ZNF133: variants seen among roughly 807,000 people sequenced by gnomAD.
ZNF133 encodes the protein zinc finger protein 133 (clone pHZ-13).
ZNF133 carries 26 observed loss-of-function variants against 54.9 expected under a neutral mutation model. The ratio of observed to expected loss-of-function variants is 0.47; its 90% CI spans 0.35 to 0.66. The LOEUF is 0.66. ZNF133 is among the 30% of genes least tolerant of loss of function. The pLI is 0.01. For synonymous variants in ZNF133, 298 were observed against 320.3 expected, an observed-to-expected ratio of 0.93 and a Z score of 0.74; for missense variants, 653 against 820.8, an observed-to-expected ratio of 0.80 and a Z score of 2.50.
chr20:18,306,747 G>A (rs776852619), intron 6 of ZNF133: 20 of 1,334,202 alleles, frequency 1.5e-5, no homozygotes, highest in Non-Finnish European at 1.9e-5. Context: ...ACAGAAAGAA[G>A]GCAAGCCCAG....
In ZNF133 at chr20:18,305,020, T is replaced by G. The variant is rs1233517317; in HGVS notation, c.-165T>G. 4 of 985,362 alleles carry G rather than the reference T, an allele frequency of 4.1e-6. No individual in the cohort carries two copies. Among genetic ancestry groups the G allele is most frequent in the Non-Finnish European group, 4.8e-6 (4 of 829,962 alleles). 61.0% of individuals were successfully genotyped at this position (985,362 alleles called of 1,614,324 possible). ...ATCTCTATTCCAGTGTGTCCTCCAT[T>G]TGGAAGTAGTGCTAAGAAAATTAAA... is the stretch of plus-strand genomic sequence containing the variant. On this transcript the variant is annotated 5_prime_UTR_variant, in exon 4 of 7. It adds an upstream start codon to the 5' untranslated region. Transcript: ENST00000425686. This position sits in a 1 kb window ranked among gnomAD's most constrained non-coding sequence, Gnocchi z 4.7.
intron 2 of ZNF133, 42 bp downstream of exon 2, chr20:18,298,104 A>G: frequency 6.5e-7 from 1 of 1,535,214 alleles, no homozygotes. Flanking sequence ...AACAGGATGG[A>G]CACATTCCCT....
intron 1 of ZNF133, among the ~76,000 whole-genome samples, chr20:18,297,763 T>C (rs989022900): frequency 6.6e-6 from 1 of 152,166 alleles, no homozygotes; most frequent in Non-Finnish European, 1.5e-5. Context: ...TCTTTGTTGT[T>C]GTTTTTTGTT....
intron 6 of ZNF133, among the ~76,000 whole-genome samples, chr20:18,309,611 C>T (rs573867514): frequency 6.6e-6 from 1 of 152,310 alleles, no homozygotes; most frequent in South Asian, 2.1e-4. Flanking sequence ...AAGTTGGAGT[C>T]TTAGCCAGAG....
chr20:18,299,089 A>C (rs774778832), intron 3 of ZNF133, among the ~76,000 whole-genome samples: 1 of 152,222 alleles, frequency 6.6e-6, no homozygotes, highest in Non-Finnish European at 1.5e-5. Context: ...GACCCATTCA[A>C]AGGGGAAAAA....
intron 1 of ZNF133, among the ~76,000 whole-genome samples, chr20:18,297,373 TCTTTA>T (rs1201839246): frequency 6.6e-6 from 1 of 152,160 alleles, no homozygotes; most frequent in Admixed American, 6.5e-5. Flanking sequence ...TCTTTTTGTT[TCTTTA>T]CTTTTTTTGT....
At chr20:18,289,662 A>G (rs1194661075) in intron 1 of ZNF133, among the ~76,000 whole-genome samples, 2 of 152,206 alleles carry the variant, frequency 1.3e-5, no homozygotes, top group South Asian at 4.1e-4. Flanking sequence ...AATAGCATCT[A>G]TCGTATTGGG....
chr20:18,301,424 G>A (rs2043336756), intron 3 of ZNF133, among the ~76,000 whole-genome samples: 1 of 152,128 alleles, frequency 6.6e-6, no homozygotes, highest in Admixed American at 6.5e-5. Flanking sequence ...CACTGGAGCA[G>A]AGTCAAATAA....
Position 18,315,503 on chromosome 20 carries a change from G to C in ZNF133, c.652G>C (p.Glu218Gln). 6.2e-7 allele frequency: 1 copy of C among 1,614,216 alleles called. No individual in the cohort carries two copies. The highest frequency in any genetic ancestry group is 8.5e-7 in the Non-Finnish European group (1 of 1,180,042). The change falls in exon 7 of 7, where the codon GAG becomes CAG. Residue 218 changes from glutamate to glutamine, a missense_variant. Physicochemically the swap from Glu to Gln is conservative, Grantham distance 29. Around this residue, in one of 4 missense-constraint regions of ZNF133, gnomAD observed 292 missense variants for 431.6 expected, o/e 0.68. Coordinates refer to ENST00000425686, the MANE Select transcript of ZNF133 (RefSeq NM_001352452.2). ...VLGFGTVNCGECGLSFSKMTN... is the reference protein window; with the variant it reads ...VLGFGTVNCGQCGLSFSKMTN... Reference sequence around the variant, plus strand: ...AGGATTTGGAACAGTCAACTGTGGAGAGTGTGGACTGAGCTTCAGCAAGAT... The same window carrying C: ...AGGATTTGGAACAGTCAACTGTGGACAGTGTGGACTGAGCTTCAGCAAGAT...
rs2047377666 is a variant in ZNF133, at chr20:18,316,020, G to A, written c.1169G>A (p.Cys390Tyr). 6.2e-7 allele frequency: 1 copy of A among 1,614,002 alleles called. No individual in the cohort carries two copies. Among genetic ancestry groups the A allele is most frequent in the Non-Finnish European group, 8.5e-7 (1 of 1,180,008 alleles). ...KPYACKECGR[C>Y]FRQRTTLVNH... ...TACGCCTGCAAGGAGTGTGGGCGAT[G>A]CTTCAGGCAGAGGACCACCCTTGTC... Residue 390 changes from cysteine (C) to tyrosine (Y), a missense_variant, in exon 7 of 7, where the codon TGC becomes TAC. Transcript: ENST00000425686.
At chr20:18,291,530 C>T (rs569746528) in intron 1 of ZNF133, among the ~76,000 whole-genome samples, 11 of 152,044 alleles carry the variant, frequency 7.2e-5, no homozygotes, top group Non-Finnish European at 1.6e-4. Flanking sequence ...AAATTTCCAC[C>T]GTGGAAAAGG....
chr20:18,315,092 C>T lies in ZNF133; in HGVS notation c.241C>T (p.Leu81Phe). Residue 81 changes from leucine to phenylalanine, a missense_variant, in exon 7 of 7, where the codon CTC (leucine) becomes TTC (phenylalanine). By Grantham distance (22) the Leu-to-Phe change is conservative. Coordinates refer to ENST00000425686, the MANE Select transcript of ZNF133 (RefSeq NM_001352452.2). ...AGCAGATCCAGAGCCAGAGCTCTAC[C>T]TCGATCCTTTCTGCCCTCCGGGTTT... Reference protein sequence around the residue: ...CPADPEPELYLDPFCPPGFSS... With the variant: ...CPADPEPELYFDPFCPPGFSS... 6.5e-7 allele frequency: 1 copy of T among 1,547,424 alleles called. No homozygotes were observed. Among genetic ancestry groups the T allele is most frequent in the Non-Finnish European group, 8.7e-7 (1 of 1,147,454 alleles).
In ZNF133 at chr20:18,316,893, A is replaced by G; in HGVS notation, c.*77A>G. 1 of 1,477,042 alleles carries G rather than the reference A, an allele frequency of 6.8e-7. No individual in the cohort carries two copies. Among genetic ancestry groups the G allele is most frequent in the African/African-American group, 1.4e-5 (1 of 71,646 alleles). The allele number at this position is 1,477,042 out of a possible 1,614,324, so 91.5% of individuals were successfully genotyped here. A position where few individuals can be genotyped will look rare whatever the true frequency, so the allele number is the denominator to read the frequency against. On this transcript the variant is annotated 3_prime_UTR_variant, in exon 7 of 7. Coordinates refer to ENST00000425686, the MANE Select transcript of ZNF133 (RefSeq NM_001352452.2). ...AATGGAGTAGAGAAATGCATTCTGT[A>G]AGTGGTCAAAGGACATTTGACTGTT... is the stretch of plus-strand genomic sequence containing the variant.
rs529530923 is a variant in ZNF133 at position 18,308,912 on chromosome 20, C to T, written c.217+2519C>T. On this transcript the variant is annotated intron_variant, in intron 6 of 6. Coordinates refer to ENST00000425686, the MANE Select transcript of ZNF133 (RefSeq NM_001352452.2). ...AGCATCTGTATTAGTCACCTTGGGC[C>T]GCCATGACAAAATACTGTGGACTAG... 5.3e-5 allele frequency among the ~76,000 whole-genome samples: 8 copies of T among 152,248 alleles called. No individual in the cohort carries two copies. The South Asian group carries it at 1.5e-3, about 28-fold the overall frequency.
chr20:18,312,865 A>G (rs2046408492), intron 6 of ZNF133: 1 of 152,204 alleles, frequency 6.6e-6, no homozygotes, highest in Non-Finnish European at 1.5e-5. Flanking sequence ...GCACACCACC[A>G]CAACCAGCTA....
At position 18,315,247 on chromosome 20, in the gene ZNF133, A is replaced by G. The variant is rs1412287837; in HGVS notation, c.396A>G (p.Gln132=). 3 of 1,613,990 alleles carry G rather than the reference A, an allele frequency of 1.9e-6. No individual in the cohort carries two copies. The highest frequency in any genetic ancestry group is 2.5e-6 in the Non-Finnish European group (3 of 1,180,006). Residue 132 remains glutamine (Q), a synonymous_variant, in exon 7 of 7, where the codon CAA becomes CAG. Coordinates refer to ENST00000425686, the MANE Select transcript of ZNF133 (RefSeq NM_001352452.2). The part of the protein sequence containing the change: ...PGPGDQEKQQ[Q]ASEGRPWSDQ... ...CAGGGGACCAGGAGAAGCAGCAACA[A>G]GCCTCTGAGGGGAGACCCTGGAGTG...
chr20:18,312,574 C>T (rs747063710), intron 6 of ZNF133: 1 of 152,134 alleles, frequency 6.6e-6, no homozygotes, highest in Non-Finnish European at 1.5e-5. Flanking sequence ...TCTTTCTTAT[C>T]GTGCAACCTA....
At chr20:18,313,180 T>C (rs933433942) in intron 6 of ZNF133, 1 of 152,236 alleles carries the variant, frequency 6.6e-6, no homozygotes, top group Non-Finnish European at 1.5e-5. Context: ...TAAGACTAAA[T>C]ATTCCTAGTG....
At chr20:18,302,875 A>G (rs2043700280) in intron 3 of ZNF133, among the ~76,000 whole-genome samples, 3 of 152,208 alleles carry the variant, frequency 2.0e-5, no homozygotes, top group Admixed American at 6.5e-5. Context: ...TTAACAGTGA[A>G]CAATCCTAAT....
Sources: allele counts gnomAD v4.1 joint callset (sites outside exome capture counted in the v4.1 genomes callset), GRCh38; gene constraint gnomAD v4.1.1; regional missense constraint gnomAD v4.1.1; non-coding constraint Gnocchi (gnomAD v3.1); transcripts MANE v1.5; gene names NCBI Gene and HGNC (gene_info 2026-07-23, HGNC 2026-07-21).